C11orf65: variants seen among roughly 807,000 people sequenced by gnomAD.
C11orf65 encodes the protein chromosome 11 open reading frame 65.
In C11orf65, 38 loss-of-function variants were observed where a neutral mutation model predicts 35.3. The ratio of observed to expected loss-of-function variants is 1.08; its 90% CI spans 0.83 to 1.41. The LOEUF (loss-of-function observed/expected upper bound fraction) is 1.41. Among genes scored for constraint, C11orf65 ranks in the 40% most tolerant of loss-of-function variants. The pLI is 0.00. For synonymous variants in C11orf65, 105 were observed against 114.4 expected, an observed-to-expected ratio of 0.92 and a Z score of 0.53; for missense variants, 370 against 367.1, an observed-to-expected ratio of 1.01 and a Z score of -0.06.
At chr11:108,353,615 C>A in intron 2 of C11orf65, 1 of 647,358 alleles carries the variant, frequency 1.5e-6, no homozygotes, top group Non-Finnish European at 2.8e-6. Flanking sequence ...ATGAGGAAGG[C>A]AGCCAGAGCA....
At chr11:108,377,707 G>A (rs2091765961) in intron 2 of C11orf65, among the ~76,000 whole-genome samples, 1 of 151,710 alleles carries the variant, frequency 6.6e-6, no homozygotes, top group African/African-American at 2.4e-5. Flanking sequence ...GTTTGCAGAT[G>A]ACATGATTGT....
intron 3 of C11orf65, among the ~76,000 whole-genome samples, chr11:108,334,391 T>C (rs2086608228): frequency 6.6e-6 from 1 of 152,244 alleles, no homozygotes; most frequent in Non-Finnish European, 1.5e-5. Flanking sequence ...ATTATTATAA[T>C]ATTAAGCTGA....
chr11:108,396,436 A>G (rs938895690), intron 6 of C11orf65, among the ~76,000 whole-genome samples: 4 of 152,150 alleles, frequency 2.6e-5, no homozygotes, highest in African/African-American at 9.7e-5. Context: ...TAATTCAGAT[A>G]TCTTTTTTCT....
chr11:108,339,589 G>C (rs1223586169), intron 2 of C11orf65, among the ~76,000 whole-genome samples: 1 of 151,984 alleles, frequency 6.6e-6, no homozygotes, highest in East Asian at 1.9e-4. Context: ...TTTAGTACCA[G>C]AGAAAACACT....
In C11orf65 at chr11:108,354,869, G is replaced by A. The variant is rs587782497; in HGVS notation, c.227-19577C>T. On this transcript the variant is annotated intron_variant, in intron 2 of 3. Transcript: ENST00000524755. ...CTCTCAGGAAACTCTGTTAACCATT[G>A]TAGAGGTAAAGTATTTTATAAGGAA... The A allele has an allele frequency of 8.1e-6, 13 of 1,612,364 alleles. No homozygotes were observed. The highest frequency in any genetic ancestry group is 1.3e-5 in the African/African-American group (1 of 75,024).
rs999573720 is a variant in C11orf65, at chr11:108,421,225, G to A, written c.174+10521C>T. Among the ~76,000 whole-genome samples the A allele has an allele frequency of 2.6e-5, 4 of 152,244 alleles. No individual in the cohort carries two copies. In the East Asian group the frequency reaches 5.8e-4, roughly 22 times the overall value. On this transcript the variant is annotated intron_variant, in intron 3 of 8. Transcript: ENST00000393084. ...TTTGCCTGTTCCTGCCTTGTCTGCTGTCTATTGCCTGAGGTGGCTGCAGGT... is the reference window on the plus strand; with the variant it reads ...TTTGCCTGTTCCTGCCTTGTCTGCTATCTATTGCCTGAGGTGGCTGCAGGT...
chr11:108,426,477 C>T (rs1444157633), intron 3 of C11orf65, among the ~76,000 whole-genome samples: 1 of 152,062 alleles, frequency 6.6e-6, no homozygotes, highest in East Asian at 1.9e-4. Flanking sequence ...AACTACACAC[C>T]ACTGCTCAAG....
chr11:108,421,589 C>T (rs995441719), intron 3 of C11orf65, among the ~76,000 whole-genome samples: 1 of 151,922 alleles, frequency 6.6e-6, no homozygotes, highest in Non-Finnish European at 1.5e-5. Context: ...ATCTGGGAGG[C>T]GAAGGTTGCA....
intron 2 of C11orf65, among the ~76,000 whole-genome samples, chr11:108,447,985 A>G (rs1292520993): frequency 2.6e-5 from 4 of 152,230 alleles, no homozygotes; most frequent in African/African-American, 9.6e-5. Flanking sequence ...ACAAACTACC[A>G]TCAGAGAATA....
At chr11:108,309,652 A>G (rs4988067) in intron 6 of C11orf65, among the ~76,000 whole-genome samples, 1 of 152,222 alleles carries the variant, frequency 6.6e-6, no homozygotes, top group Admixed American at 6.5e-5. Flanking sequence ...TGACCTACCT[A>G]TTAACACAGT....
exon 3 of C11orf65, chr11:108,335,289 G>C (rs1375548721): frequency 2.4e-5 from 36 of 1,510,598 alleles, no homozygotes; most frequent in Non-Finnish European, 2.9e-5. Flanking sequence ...TTTTTTTTGT[G>C]TCTCTGAAAG....
At chr11:108,336,887 T>G (rs1042293548) in intron 2 of C11orf65, among the ~76,000 whole-genome samples, 2 of 152,246 alleles carry the variant, frequency 1.3e-5, no homozygotes, top group African/African-American at 4.8e-5. Flanking sequence ...CAATAAATCC[T>G]TATTTTGAAG....
At chr11:108,316,753 CAAAAAAAAAA>C (rs58165074) in intron 6 of C11orf65, among the ~76,000 whole-genome samples, 4 of 72,426 alleles carry the variant, frequency 5.5e-5, no homozygotes, top group African/African-American at 1.1e-4. Context: ...ACTAAAAATA[CAAAAAAAAAA>C]AAAAAAAAAA....
intron 6 of C11orf65, among the ~76,000 whole-genome samples, chr11:108,397,393 T>A (rs772212107): frequency 2.6e-5 from 4 of 152,102 alleles, no homozygotes; most frequent in Non-Finnish European, 5.9e-5. Flanking sequence ...GTATTCACCT[T>A]AACATGATCT....
Position 108,431,762 on chromosome 11 carries a change from T to C in C11orf65, c.158A>G (p.Tyr53Cys), listed in dbSNP as rs749669330. Residue 53 changes from tyrosine to cysteine, a missense_variant, in exon 3 of 9, where the codon TAT becomes TGT. Coordinates refer to ENST00000393084, the MANE Select transcript of C11orf65 (RefSeq NM_152587.5). ...RQGEPRQIVK[Y>C]INPKEAELLD... ...TGTCCTTACCTCTTTGGGATTAATATATTTCACTATCTGACGTGGTTCTCC... is the reference window on the plus strand; with the variant it reads ...TGTCCTTACCTCTTTGGGATTAATACATTTCACTATCTGACGTGGTTCTCC... 4 of 1,498,652 alleles carry C rather than the reference T, an allele frequency of 2.7e-6. No homozygotes were observed. The African/African-American group carries it at 5.5e-5, about 21-fold the overall frequency. The allele number at this position is 1,498,652 out of a possible 1,614,324, so 92.8% of individuals were successfully genotyped here.
At chr11:108,361,628 C>T in intron 2 of C11orf65, among the ~76,000 whole-genome samples, 1 of 151,496 alleles carries the variant, frequency 6.6e-6, no homozygotes. Context: ...GAACAGAGCC[C>T]TTAGAAATAA....
chr11:108,455,177 C>T (rs1207812722), intron 2 of C11orf65, among the ~76,000 whole-genome samples: 3 of 152,116 alleles, frequency 2.0e-5, no homozygotes, highest in Non-Finnish European at 4.4e-5. Context: ...AGTTTCTTCT[C>T]TAAGATCAGG....
intron 2 of C11orf65, among the ~76,000 whole-genome samples, chr11:108,433,578 T>TCAAAACAAAA (rs140429504): frequency 0.2 from 30,263 of 148,742 alleles, 3,374 homozygotes; most frequent in East Asian, 0.33. Context: ...AGACTCCGTC[T>TCAAAACAAAA]CAAAACAAAA....
intron 6 of C11orf65, among the ~76,000 whole-genome samples, chr11:108,314,104 T>C (rs1356043665): frequency 1.3e-5 from 2 of 152,148 alleles, no homozygotes; most frequent in Non-Finnish European, 2.9e-5. Context: ...GACTGTATTT[T>C]CTAATGTACA....
Sources: gnomAD v4.1 joint callset for allele counts (sites outside exome capture counted in the v4.1 genomes callset) on GRCh38, gnomAD v4.1.1 for gene constraint, MANE v1.5 for transcripts, NCBI Gene and HGNC (gene_info 2026-07-23, HGNC 2026-07-21) for gene names.